The following TRIM55 variants were observed in gnomAD, a reference collection of about 807,000 sequenced individuals.
TRIM55 encodes the protein tripartite motif containing 55.
A neutral mutation model predicts 60.9 loss-of-function variants in TRIM55; 50 were observed. The observed-to-expected ratio is 0.82, with a 90% confidence interval of 0.65 to 1.04. The LOEUF (loss-of-function observed/expected upper bound fraction) is 1.04, where lower values mean the gene tolerates loss of function less well. Among genes scored for constraint, TRIM55 ranks in the 50% least tolerant of loss-of-function variants. TRIM55 has a pLI of 0.00. For synonymous variants in TRIM55, 237 were observed against 238.1 expected (o/e 1.00, Z 0.04); for missense variants, 681 against 666.9 (o/e 1.02, Z -0.23).
intron 8 of TRIM55, among the ~76,000 whole-genome samples, chr8:66,153,210 T>C (rs1053435756): frequency 2.6e-5 from 4 of 152,324 alleles, no homozygotes; most frequent in Admixed American, 2.6e-4. Context: ...GAGCAAACAA[T>C]GAAGCCTGGT....
At chr8:66,145,093 G>A (rs1372213730) in intron 4 of TRIM55, among the ~76,000 whole-genome samples, 3 of 152,156 alleles carry the variant, frequency 2.0e-5, no homozygotes, top group Non-Finnish European at 4.4e-5. Flanking sequence ...ATAACCTGAG[G>A]TGTTTATTGT....
At chr8:66,156,196 G>A (rs1448647477) in intron 9 of TRIM55, among the ~76,000 whole-genome samples, 2 of 152,206 alleles carry the variant, frequency 1.3e-5, no homozygotes, top group Non-Finnish European at 2.9e-5. Context: ...TGATGTTCTA[G>A]GCAGTTCCTA....
At chr8:66,135,244 G>T (rs999909885) in intron 3 of TRIM55, 89 bp downstream of exon 3, 1 of 1,462,630 alleles carries the variant, frequency 6.8e-7, no homozygotes, top group Non-Finnish European at 9.5e-7. Flanking sequence ...GCTCCCTGCG[G>T]TGGAGGAGGA....
At chr8:66,143,336 A>G (rs1242015615) in intron 4 of TRIM55, among the ~76,000 whole-genome samples, 3 of 152,226 alleles carry the variant, frequency 2.0e-5, no homozygotes, top group Non-Finnish European at 2.9e-5. Context: ...GTATATCTTA[A>G]TGCTGTCGAT....
At chr8:66,114,383 G>A in the TRIM55 span, among the ~76,000 whole-genome samples, 1 of 152,192 alleles carries the variant, frequency 6.6e-6, no homozygotes, top group Non-Finnish European at 1.5e-5. Flanking sequence ...AAACTTCCCA[G>A]ACAATGAGTG....
intron 9 of TRIM55, among the ~76,000 whole-genome samples, chr8:66,169,860 A>C (rs1458272515): frequency 1.3e-5 from 2 of 152,170 alleles, no homozygotes; most frequent in Non-Finnish European, 2.9e-5. Context: ...AGAACCTGCA[A>C]ATCCATATTT....
chr8:66,123,512 C>T (rs1808708421), upstream of TRIM55, among the ~76,000 whole-genome samples: 1 of 151,688 alleles, frequency 6.6e-6, no homozygotes, highest in Non-Finnish European at 1.5e-5. Flanking sequence ...CCTCCAGGGA[C>T]AGTTCTAAGA....
chr8:66,114,244 C>T, the TRIM55 span, among the ~76,000 whole-genome samples: 1 of 152,126 alleles, frequency 6.6e-6, no homozygotes, highest in Non-Finnish European at 1.5e-5. Flanking sequence ...GTAGCGGGAT[C>T]GATGCCCGCA....
rs80033864 is a variant in TRIM55 at position 66,155,389 on chromosome 8, G to A, written c.1524+1055G>A. 2.9e-3 allele frequency among the ~76,000 whole-genome samples: 449 copies of A among 152,288 alleles called. 2 individuals are homozygous for A. The highest frequency in any genetic ancestry group is 0.01 in the African/African-American group (428 of 41,558). On this transcript the variant is annotated intron_variant, in intron 9 of 9. Coordinates refer to ENST00000315962, the MANE Select transcript of TRIM55 (RefSeq NM_184085.2). ...GTTTGGTGGGAAGAAATCTTATGAG[G>A]TGGTTTTTAGGTAAAAGATGCAGTA...
At chr8:66,167,950 A>G (rs10112988) in intron 9 of TRIM55, among the ~76,000 whole-genome samples, 12,414 of 152,000 alleles carry the variant, frequency 0.082, 831 homozygotes, top group African/African-American at 0.19. Flanking sequence ...GGGTCATGCC[A>G]TATTGCCCAG....
At chr8:66,126,465 T>C (rs189840049), upstream of TRIM55, among the ~76,000 whole-genome samples, 27 of 152,348 alleles carry the variant, frequency 1.8e-4, no homozygotes, top group African/African-American at 6.0e-4. Flanking sequence ...AGTTGTTTTA[T>C]AATGTAACTT....
chr8:66,127,205 G>C lies in TRIM55; in HGVS notation c.-64G>C. Reference sequence around the variant, plus strand: ...ACACAATCCCTGGAATAATATCCAGGAAACACTTGCTGGAGCCACTCGCAG... The same window carrying C: ...ACACAATCCCTGGAATAATATCCAGCAAACACTTGCTGGAGCCACTCGCAG... On this transcript the variant is annotated 5_prime_UTR_variant, in exon 1 of 10. Transcript: ENST00000315962. 2.7e-6 allele frequency: 4 copies of C among 1,501,920 alleles called. No homozygotes were observed. Among genetic ancestry groups the C allele is most frequent in the Non-Finnish European group, 3.6e-6 (4 of 1,099,258 alleles). 93.0% of individuals were successfully genotyped at this position (1,501,920 alleles called of 1,614,324 possible).
the TRIM55 span, among the ~76,000 whole-genome samples, chr8:66,119,387 A>T: frequency 6.6e-6 from 1 of 152,170 alleles, no homozygotes; most frequent in African/African-American, 2.4e-5. Context: ...TGTACTCTCC[A>T]TCTAACCATA....
At chr8:66,131,783 C>T (rs1167954652) in intron 2 of TRIM55, among the ~76,000 whole-genome samples, 1 of 152,196 alleles carries the variant, frequency 6.6e-6, no homozygotes, top group Non-Finnish European at 1.5e-5. Flanking sequence ...AAGCTTCTCA[C>T]TGCAGGAATG....
intron 2 of TRIM55, among the ~76,000 whole-genome samples, chr8:66,130,935 A>G (rs989563573): frequency 3.3e-5 from 5 of 152,098 alleles, no homozygotes; most frequent in African/African-American, 7.2e-5. Context: ...TGCTAGGATT[A>G]CAGGCATGAG....
intron 9 of TRIM55, among the ~76,000 whole-genome samples, chr8:66,166,498 C>T (rs1811337047): frequency 6.6e-6 from 1 of 152,204 alleles, no homozygotes; most frequent in South Asian, 2.1e-4. Flanking sequence ...TGGTACACCT[C>T]TTCTTCCACT....
At chr8:66,165,032 C>T (rs1024052386) in intron 9 of TRIM55, among the ~76,000 whole-genome samples, 10 of 152,048 alleles carry the variant, frequency 6.6e-5, no homozygotes, top group African/African-American at 1.7e-4. Flanking sequence ...GAGGAAGGGG[C>T]TAGCAAAGCC....
chr8:66,132,911 C>A (rs945164702), intron 2 of TRIM55, among the ~76,000 whole-genome samples: 1 of 152,158 alleles, frequency 6.6e-6, no homozygotes, highest in African/African-American at 2.4e-5. Flanking sequence ...AATGTAGAGC[C>A]TTATGGCTGT....
intron 9 of TRIM55, 52 bp from the exon 10 acceptor site, chr8:66,174,419 C>G: frequency 6.3e-7 from 1 of 1,583,372 alleles, no homozygotes; most frequent in South Asian, 1.1e-5. Context: ...CTGGACCAAT[C>G]CAAAAAGAAC....
Sources: gnomAD v4.1 joint callset for allele counts (sites outside exome capture counted in the v4.1 genomes callset) on GRCh38, gnomAD v4.1.1 for gene constraint, MANE v1.5 for transcripts, NCBI Gene and HGNC (gene_info 2026-07-23, HGNC 2026-07-21) for gene names.